FREM3: variants seen among roughly 807,000 people sequenced by gnomAD.
FREM3 encodes the protein FRAS1 related extracellular matrix 3, also known as FRAS1-related extracellular matrix protein 3.
In FREM3, 105 loss-of-function variants were observed where a neutral mutation model predicts 129.1. The observed-to-expected ratio is 0.81, with a 90% CI of 0.69 to 0.96. The LOEUF is 0.96. Ranked by LOEUF, FREM3 falls within the 40% of genes least tolerant of loss-of-function variation. FREM3 has a pLI of 0.00. For synonymous variants in FREM3, 1,014 were observed against 1,044.9 expected, an observed-to-expected ratio of 0.97 and a Z score of 0.57; for missense variants, 2,593 against 2,666.3, an observed-to-expected ratio of 0.97 and a Z score of 0.61.
At chr4:143,609,631 G>A (rs937602919) in intron 6 of FREM3, among the ~76,000 whole-genome samples, 2 of 151,788 alleles carry the variant, frequency 1.3e-5, no homozygotes, top group Admixed American at 1.3e-4. Context: ...TCATAGCCCT[G>A]TAATTAAAAA....
intron 2 of FREM3, among the ~76,000 whole-genome samples, chr4:143,673,861 G>A (rs895194339): frequency 2.0e-5 from 3 of 152,224 alleles, no homozygotes; most frequent in South Asian, 2.1e-4. Flanking sequence ...AGCAATGAGC[G>A]AGGCTCCATG....
chr4:143,611,470 G>A lies in FREM3; in HGVS notation c.5837C>T (p.Pro1946Leu). ...GTGGAGGATGCTGGTGTGGTCTTCT[G>A]GACGTGAGATGTAATCAGAGAATAA... ...TVLFSDYISRPEDHTSILHFD... is the reference protein window; with the variant it reads ...TVLFSDYISRLEDHTSILHFD... The change falls in exon 6 of 8, where the codon CCA (proline) becomes CTA (leucine). Residue 1946 changes from proline to leucine, a missense_variant. Physicochemically the swap from Pro to Leu is moderately conservative, Grantham distance 98. Transcript: ENST00000329798. 1.3e-6 allele frequency: 2 copies of A among 1,537,134 alleles called. No individual in the cohort carries two copies. The highest frequency in any genetic ancestry group is 1.7e-6 in the Non-Finnish European group (2 of 1,146,820).
Position 143,585,837 on chromosome 4 carries a change from C to T in FREM3, c.6178+7G>A. 6.5e-7 allele frequency: 1 copy of T among 1,537,010 alleles called. No individual in the cohort carries two copies. Among genetic ancestry groups the T allele is most frequent in the Non-Finnish European group, 8.7e-7 (1 of 1,146,778 alleles). ...ATAATGATATATTCTTTAAGTGGCCCTCTCACCTTCTGCTGACTCCTGCTC... is the reference window on the plus strand; with the variant it reads ...ATAATGATATATTCTTTAAGTGGCCTTCTCACCTTCTGCTGACTCCTGCTC... On this transcript the variant is annotated splice_region_variant and intron_variant, in intron 7 of 7. Coordinates refer to ENST00000329798, the MANE Select transcript of FREM3 (RefSeq NM_001168235.2). This position sits in a 1 kb window ranked among gnomAD's most constrained non-coding sequence, Gnocchi z 4.2.
intron 6 of FREM3, among the ~76,000 whole-genome samples, chr4:143,602,455 C>G (rs1386823695): frequency 6.6e-6 from 1 of 152,112 alleles, no homozygotes; most frequent in Non-Finnish European, 1.5e-5. Context: ...ATGTGAATAT[C>G]TGTAGGGTAG....
At chr4:143,694,812 C>G (rs899380258) in intron 1 of FREM3, among the ~76,000 whole-genome samples, 1 of 152,120 alleles carries the variant, frequency 6.6e-6, no homozygotes, top group African/African-American at 2.4e-5. Context: ...TCTGAGTTTG[C>G]ATCTAGGTTT....
At chr4:143,644,178 T>G (rs1739372975) in intron 2 of FREM3, among the ~76,000 whole-genome samples, 1 of 37,370 alleles carries the variant, frequency 2.7e-5, no homozygotes, top group African/African-American at 6.3e-5. Flanking sequence ...GCTCTGCATA[T>G]GTGTGTGTGT....
Position 143,699,565 on chromosome 4 carries a change from C to T in FREM3, c.1111G>A (p.Gly371Arg), listed in dbSNP as rs1304208603. The change falls in exon 1 of 8, where the codon GGG becomes AGG. Residue 371 changes from glycine (G) to arginine (R), a missense_variant. Physicochemically the swap from Gly to Arg is moderately radical, Grantham distance 125. This residue lies in a region of FREM3 where 2,276 missense variants were observed against 2,267.2 expected (regional missense o/e 1.00). Transcript: ENST00000329798. This position sits in a 1 kb window ranked among gnomAD's most constrained non-coding sequence, Gnocchi z 4.2. ...GYVVSTDDPL[G>R]LPVSFFTQQE... ...TGGGTGAAGAAGGAGACTGGAAGCC[C>T]TAGAGGGTCGTCGGTGCTGACCACG... 4 of 1,536,384 alleles carry T rather than the reference C, an allele frequency of 2.6e-6. No homozygotes were observed. The highest frequency in any genetic ancestry group is 3.5e-6 in the Non-Finnish European group (4 of 1,146,452).
rs1305977872 is a variant in FREM3, at chr4:143,661,403, G to A, written c.5275+31710C>T. ...TGCTGGATTACATTTATTGATTTGC[G>A]TATATTGAACCAGCCTTGCATCCCA... On this transcript the variant is annotated intron_variant, in intron 2 of 7. Coordinates refer to ENST00000329798, the MANE Select transcript of FREM3 (RefSeq NM_001168235.2). 3.4e-4 allele frequency among the ~76,000 whole-genome samples: 51 copies of A among 152,046 alleles called. No homozygotes were observed. The East Asian group carries it at 7.1e-3, about 21-fold the overall frequency.
rs1740574074 is a variant in FREM3, at chr4:143,696,624, T to G, written c.4052A>C (p.Gln1351Pro). Reference sequence around the variant, plus strand: ...TCTCAGCCTCTGTAGAAGCCCTTGTTGAGGCCCAGAATGGAGGACAAAACT... The same window carrying G: ...TCTCAGCCTCTGTAGAAGCCCTTGTGGAGGCCCAGAATGGAGGACAAAACT... ...SLSFVLHSGP[Q>P]QGLLQRLRKP... The change falls in exon 1 of 8, where the codon CAA becomes CCA. Residue 1351 changes from glutamine (Q) to proline (P), a missense_variant. Around this residue, in one of 2 missense-constraint regions of FREM3, gnomAD observed 2,276 missense variants for 2,267.2 expected, o/e 1.00. Coordinates refer to ENST00000329798, the MANE Select transcript of FREM3 (RefSeq NM_001168235.2). The G allele has an allele frequency of 6.5e-7, 1 of 1,537,718 alleles. No homozygotes were observed. Among genetic ancestry groups the G allele is most frequent in the Admixed American group, 2.0e-5 (1 of 50,982 alleles).
intron 2 of FREM3, among the ~76,000 whole-genome samples, chr4:143,664,918 C>A (rs960862573): frequency 1.8e-4 from 28 of 152,178 alleles, no homozygotes; most frequent in Admixed American, 6.5e-5. Flanking sequence ...TCTCCTAGTG[C>A]ACCGTTTTTT....
At chr4:143,632,402 TG>T (rs1739157130) in intron 2 of FREM3, among the ~76,000 whole-genome samples, 1 of 152,058 alleles carries the variant, frequency 6.6e-6, no homozygotes, top group Non-Finnish European at 1.5e-5. Context: ...GATAAGAGAT[TG>T]GGGGAAAGAA....
At chr4:143,581,636 T>G (rs138836761) in intron 7 of FREM3, among the ~76,000 whole-genome samples, 1 of 151,270 alleles carries the variant, frequency 6.6e-6, no homozygotes, top group African/African-American at 2.4e-5. Context: ...GAACAAAGAG[T>G]CTGAGGGCTT....
Position 143,697,102 on chromosome 4 carries a change from C to G in FREM3, c.3574G>C (p.Glu1192Gln), listed in dbSNP as rs368540001. Residue 1192 changes from glutamate to glutamine, a missense_variant, in exon 1 of 8, where the codon GAG (glutamate) becomes CAG (glutamine). This residue lies in a region of FREM3 where 2,276 missense variants were observed against 2,267.2 expected (regional missense o/e 1.00). Transcript: ENST00000329798. ...FPIIILPTNDEQPKLFAHEFK... is the reference protein window; with the variant it reads ...FPIIILPTNDQQPKLFAHEFK... The stretch of plus-strand genomic sequence containing the variant: ...TCATGGGCAAAAAGTTTAGGCTGCT[C>G]ATCATTGGTGGGTAGGATGATTATA... The G allele has an allele frequency of 5.9e-6, 9 of 1,537,820 alleles. No homozygotes were observed. The South Asian group carries it at 1.1e-4, about 18-fold the overall frequency.
intron 2 of FREM3, among the ~76,000 whole-genome samples, chr4:143,651,478 C>A (rs777049962): frequency 7.2e-5 from 11 of 152,294 alleles, no homozygotes; most frequent in South Asian, 2.1e-4. Flanking sequence ...ACTCCAGTGC[C>A]CTGGATGGGG....
At chr4:143,634,924 C>T (rs1456783321) in intron 2 of FREM3, among the ~76,000 whole-genome samples, 4 of 152,108 alleles carry the variant, frequency 2.6e-5, no homozygotes, top group Non-Finnish European at 5.9e-5. Flanking sequence ...TATGCCCCCA[C>T]AGGCTTCAGT....
chr4:143,593,674 C>T (rs368883666), intron 6 of FREM3, among the ~76,000 whole-genome samples: 25 of 152,312 alleles, frequency 1.6e-4, no homozygotes, highest in East Asian at 7.7e-4. Context: ...TTAGGCTACT[C>T]GGGGGTCAGG....
chr4:143,620,285 A>G (rs1738922971), intron 5 of FREM3, among the ~76,000 whole-genome samples: 2 of 151,978 alleles, frequency 1.3e-5, no homozygotes, highest in African/African-American at 2.4e-5. Context: ...TCCTTTTTCC[A>G]CTATAAAGCT....
intron 2 of FREM3, among the ~76,000 whole-genome samples, chr4:143,633,605 G>A (rs181626764): frequency 2.6e-5 from 4 of 152,230 alleles, no homozygotes; most frequent in Middle Eastern, 3.4e-3. Flanking sequence ...TTAGCATAAC[G>A]CCTGGCATGC....
chr4:143,662,541 GA>G (rs901483983), intron 2 of FREM3, among the ~76,000 whole-genome samples: 49 of 149,176 alleles, frequency 3.3e-4, no homozygotes, highest in African/African-American at 8.1e-4. Context: ...GTGTGGTGCG[GA>G]AAAAAATGTA....
Sources: allele counts gnomAD v4.1 joint callset (sites outside exome capture counted in the v4.1 genomes callset), GRCh38; gene constraint gnomAD v4.1.1; regional missense constraint gnomAD v4.1.1; non-coding constraint Gnocchi (gnomAD v3.1); transcripts MANE v1.5; gene names NCBI Gene and HGNC (gene_info 2026-07-23, HGNC 2026-07-21).